The following LRP2 variants were observed in gnomAD, a reference collection of about 807,000 sequenced individuals.
LRP2 encodes low-density lipoprotein receptor-related protein 2.
Under a neutral mutation model 531.0 loss-of-function variants are expected in LRP2, and 172 were observed. That is an observed-to-expected ratio of 0.32 (90% CI 0.29 to 0.37). The LOEUF (loss-of-function observed/expected upper bound fraction) is 0.37, where lower values mean the gene tolerates loss of function less well. LRP2 is among the 10% of genes least tolerant of loss of function. LRP2 has a pLI of 1.00. For missense variants in LRP2, 5,167 were observed against 5,868.3 expected, an observed-to-expected ratio of 0.88 and a Z score of 3.90; for synonymous variants, 1,992 against 2,027.6, an observed-to-expected ratio of 0.98 and a Z score of 0.47.
Position 169,145,889 on chromosome 2 carries a change from G to T in LRP2, c.12846C>A (p.Asp4282Glu), listed in dbSNP as rs374394819. 6.8e-6 allele frequency: 11 copies of T among 1,613,828 alleles called. No homozygotes were observed. In the African/African-American group the frequency reaches 1.3e-4, roughly 20 times the overall value. Residue 4282 changes from aspartate (D) to glutamate (E), a missense_variant, in exon 70 of 79, where the codon GAC becomes GAA. Physicochemically the swap from Asp to Glu is conservative, Grantham distance 45. This residue lies in a region of LRP2 where 564 missense variants were observed against 747.7 expected (regional missense o/e 0.75). Coordinates refer to ENST00000649046, the MANE Select transcript of LRP2 (RefSeq NM_004525.3). The part of the protein sequence containing the change: ...MNPYSLDIFE[D>E]QLYWISKEKG... ...TTTCCTTAGATATCCAGTATAACTG[G>T]TCTTCAAAGATGTCCAGGCTGTAAG...
intron 67 of LRP2, 36 bp from the exon 68 acceptor site, chr2:169,151,062 G>C: frequency 6.2e-7 from 1 of 1,612,392 alleles, no homozygotes; most frequent in Non-Finnish European, 8.5e-7. Context: ...CAACTGCAAA[G>C]CCTAGAGTAA....
chr2:169,274,419 A>G (rs1171290112), intron 14 of LRP2, among the ~76,000 whole-genome samples: 1 of 152,158 alleles, frequency 6.6e-6, no homozygotes, highest in Non-Finnish European at 1.5e-5. Context: ...ATCCCATCTC[A>G]GAAAAAATAA....
intron 1 of LRP2, among the ~76,000 whole-genome samples, chr2:169,328,829 C>T (rs1324234637): frequency 6.6e-6 from 1 of 152,230 alleles, no homozygotes; most frequent in Non-Finnish European, 1.5e-5. Context: ...TTCATCATTT[C>T]ATGTCCTGCA....
rs758195254 is a variant in LRP2 at position 169,211,953 on chromosome 2, T to C, written c.6280+15A>G. On this transcript the variant is annotated intron_variant, in intron 37 of 78. Transcript: ENST00000649046. The stretch of plus-strand genomic sequence containing the variant: ...CAGATGAAGTCAAATCTTACTTATA[T>C]TGGAGTTGGCATACCTTGGCCTGCC... The C allele has an allele frequency of 4.3e-6, 7 of 1,613,826 alleles. No homozygotes were observed. The highest frequency in any genetic ancestry group is 3.3e-5 in the South Asian group (3 of 91,048).
At chr2:169,239,956 G>T (rs1689745675) in intron 25 of LRP2, among the ~76,000 whole-genome samples, 181 bp from the exon 26 acceptor site, 1 of 152,120 alleles carries the variant, frequency 6.6e-6, no homozygotes, top group Non-Finnish European at 1.5e-5. Context: ...GCTCTAATTT[G>T]TCTGAGGATT....
At chr2:169,325,017 C>T (rs1227508471) in intron 1 of LRP2, among the ~76,000 whole-genome samples, 1 of 138,814 alleles carries the variant, frequency 7.2e-6, no homozygotes, top group Non-Finnish European at 1.5e-5. Context: ...AAAATGGAAT[C>T]TGGAATAATC....
chr2:169,341,804 A>G (rs1377108165), intron 1 of LRP2, among the ~76,000 whole-genome samples: 3 of 152,192 alleles, frequency 2.0e-5, no homozygotes, highest in Non-Finnish European at 4.4e-5. Context: ...ACAAGAACAA[A>G]TGCTATAGCT....
chr2:169,316,655 T>C (rs1574250622), intron 3 of LRP2, among the ~76,000 whole-genome samples: 1 of 152,066 alleles, frequency 6.6e-6, no homozygotes, highest in African/African-American at 2.4e-5. Context: ...GGTAGTTGAG[T>C]ATACAAGACT....
rs1415707438 is a variant in LRP2, at chr2:169,172,167, C to A, written c.11144-33G>T. 4 of 1,613,664 alleles carry A rather than the reference C, an allele frequency of 2.5e-6. No homozygotes were observed. The Admixed American group carries it at 6.7e-5, about 27-fold the overall frequency. On this transcript the variant is annotated intron_variant, in intron 57 of 78. Coordinates refer to ENST00000649046, the MANE Select transcript of LRP2 (RefSeq NM_004525.3). ...GCAGTCATTGCAAAGACTTCATAAACCATTGGCAGAGAAATGCACAAAGTA... is the reference window on the plus strand; with the variant it reads ...GCAGTCATTGCAAAGACTTCATAAAACATTGGCAGAGAAATGCACAAAGTA...
intron 68 of LRP2, 58 bp from the exon 69 acceptor site, chr2:169,147,017 G>A: frequency 2.3e-6 from 3 of 1,283,162 alleles, no homozygotes; most frequent in East Asian, 2.5e-5. Flanking sequence ...CTCCACTACA[G>A]CAGAGCACAG....
chr2:169,181,172 G>C (rs1259705036), intron 52 of LRP2, among the ~76,000 whole-genome samples: 1 of 152,072 alleles, frequency 6.6e-6, no homozygotes, highest in East Asian at 1.9e-4. Context: ...ACTACCATGG[G>C]GAGAGATTAT....
rs895024192 is a variant in LRP2 at position 169,128,120 on chromosome 2, T to G, written c.*543A>C. ...GTCTACAGTCAAGTCCAGATGTCTA[T>G]ACAACACATAGTGGCCCCTATCAAC... On this transcript the variant is annotated 3_prime_UTR_variant, in exon 79 of 79. Transcript: ENST00000649046. The G allele has an allele frequency of 6.2e-6, 1 of 161,026 alleles. No homozygotes were observed. Among genetic ancestry groups the G allele is most frequent in the Admixed American group, 6.1e-5 (1 of 16,344 alleles). The allele number at this position is 161,026 out of a possible 1,614,324, so 10.0% of individuals were successfully genotyped here.
intron 67 of LRP2, among the ~76,000 whole-genome samples, chr2:169,151,794 G>C (rs1686146019): frequency 2.0e-5 from 3 of 152,056 alleles, no homozygotes; most frequent in Admixed American, 1.3e-4. Flanking sequence ...CTGGAGTTTT[G>C]AGTTCCTGAC....
At chr2:169,134,807 G>A (rs553121250) in intron 76 of LRP2, among the ~76,000 whole-genome samples, 23 of 152,186 alleles carry the variant, frequency 1.5e-4, no homozygotes, top group East Asian at 1.2e-3. Context: ...TAATAAAAAC[G>A]CTTCTCAAAG....
intron 1 of LRP2, among the ~76,000 whole-genome samples, chr2:169,323,629 T>TAA (rs760860131): frequency 2.2e-5 from 3 of 137,556 alleles, no homozygotes; most frequent in Non-Finnish European, 4.7e-5. Flanking sequence ...TTTGAAGATT[T>TAA]AAAAAAAAAA....
rs752387780 is a variant in LRP2, at chr2:169,238,094, T to C, written c.4503A>G (p.Arg1501=). The change falls in exon 27 of 79, where the codon AGA becomes AGG. Residue 1501 remains arginine, a synonymous_variant. Transcript: ENST00000649046. ...AGGTCAACAGAAATGTACTTACCAC[T>C]CTTCTGTCCGTTCCATTTTGAAACG... ...WSAFQNGTDR[R]VVFDSSIILT... is the part of the protein sequence containing the mutation. 2.9e-5 allele frequency: 46 copies of C among 1,613,618 alleles called. 1 individual carries two copies. The South Asian group carries it at 5.1e-4, about 18-fold the overall frequency.
Position 169,340,812 on chromosome 2 carries a change from A to G in LRP2, c.80-19928T>C, listed in dbSNP as rs112978314. Among the ~76,000 whole-genome samples, 874 of 152,308 alleles carry G rather than the reference A, an allele frequency of 5.7e-3. 9 individuals carry two copies. The highest frequency in any genetic ancestry group is 0.018 in the African/African-American group (763 of 41,568). On this transcript the variant is annotated intron_variant, in intron 1 of 78. Coordinates refer to ENST00000649046, the MANE Select transcript of LRP2 (RefSeq NM_004525.3). ...CTGCGACAGGAGCCCAGAGTAGAGC[A>G]TGCCTATTACCTCCCCACCATGATG... is the stretch of plus-strand genomic sequence containing the variant.
At chr2:169,339,393 A>G (rs1685503355) in intron 1 of LRP2, among the ~76,000 whole-genome samples, 1 of 152,202 alleles carries the variant, frequency 6.6e-6, no homozygotes, top group African/African-American at 2.4e-5. Context: ...ATAAAACTTA[A>G]TTCACAAAGT....
chr2:169,201,056 G>T (rs1021105215), intron 44 of LRP2, among the ~76,000 whole-genome samples: 1 of 152,190 alleles, frequency 6.6e-6, no homozygotes, highest in Non-Finnish European at 1.5e-5. Context: ...CCAGTTCATA[G>T]GAAATAAGAG....
Sources: gnomAD v4.1 joint callset for allele counts (sites outside exome capture counted in the v4.1 genomes callset) on GRCh38, gnomAD v4.1.1 for gene constraint, gnomAD v4.1.1 regional missense constraint, MANE v1.5 for transcripts, NCBI Gene and HGNC (gene_info 2026-07-23, HGNC 2026-07-21) for gene names.